BMPR2: variants seen among roughly 807,000 people sequenced by gnomAD.
BMPR2 encodes the protein bone morphogenetic protein receptor type 2, also known as bone morphogenetic protein receptor type-2.
BMPR2 carries 29 observed loss-of-function variants against 100.8 expected under a neutral mutation model. The observed-to-expected ratio is 0.29, with a 90% confidence interval of 0.21 to 0.39. BMPR2 has a LOEUF of 0.39. Ranked by LOEUF, BMPR2 falls within the 10% of genes least tolerant of loss-of-function variation. BMPR2 has a pLI of 1.00. For missense variants in BMPR2, 1,011 were observed against 1,274.5 expected, an observed-to-expected ratio of 0.79 and a Z score of 3.15; for synonymous variants, 382 against 442.3, an observed-to-expected ratio of 0.86 and a Z score of 1.71.
At chr2:202,504,678 C>CTTTTTTTTTTTTTT (rs144161668) in intron 3 of BMPR2, among the ~76,000 whole-genome samples, 1 of 112,472 alleles carries the variant, frequency 8.9e-6, no homozygotes, top group African/African-American at 3.5e-5. Context: ...ATAGTAGATT[C>CTTTTTTTTTTTTTT]TTTTTTTTTT....
Position 202,552,702 on chromosome 2 carries a change from A to G in BMPR2, c.1414-14A>G, listed in dbSNP as rs763073255. On this transcript the variant is annotated splice_polypyrimidine_tract_variant and intron_variant, in intron 10 of 12. Coordinates refer to ENST00000374580, the MANE Select transcript of BMPR2 (RefSeq NM_001204.7). ...TTTAAAGACACATGGTTTGACATGT[A>G]CTTTGTCTTACAGGCAGTGAGGTCA... 63 of 1,613,802 alleles carry G rather than the reference A, an allele frequency of 3.9e-5. No individual in the cohort carries two copies. Among genetic ancestry groups the G allele is most frequent in the Non-Finnish European group, 1.4e-5 (17 of 1,179,856 alleles).
chr2:202,534,856 ACCCCCCCACCTCCCTCCC>A (rs1688101836), intron 9 of BMPR2, among the ~76,000 whole-genome samples: 3 of 123,030 alleles, frequency 2.4e-5, no homozygotes, highest in African/African-American at 9.7e-5. Context: ...CGGGGGGCTG[ACCCCCCCACCTCCCTCCC>A]GGACGGGGCG....
At chr2:202,384,188 CAAAAA>C (rs1222662709) in intron 1 of BMPR2, among the ~76,000 whole-genome samples, 8 of 151,996 alleles carry the variant, frequency 5.3e-5, no homozygotes, top group Admixed American at 5.2e-4. Context: ...CAAAACAAAA[CAAAAA>C]AACACTGATA....
At chr2:202,434,878 T>C (rs1490263192) in intron 1 of BMPR2, among the ~76,000 whole-genome samples, 23 of 22,354 alleles carry the variant, frequency 1.0e-3, no homozygotes, top group Non-Finnish European at 4.3e-4. Flanking sequence ...AGACTCTGTC[T>C]CAAAAAAAAA....
Position 202,530,887 on chromosome 2 carries a change from T to C in BMPR2, c.1061T>C (p.Leu354Pro). The change falls in exon 8 of 13, where the codon CTG becomes CCG. Residue 354 changes from leucine (L) to proline (P), a missense_variant. Physicochemically the swap from Leu to Pro is moderately conservative, Grantham distance 98 (BLOSUM62 -3). Transcript: ENST00000374580. The part of the protein sequence containing the change: ...DGTCVISDFG[L>P]SMRLTGNRLV... Reference sequence around the variant, plus strand: ...ACCTGTGTTATTAGTGACTTTGGACTGTCCATGAGGCTGACTGGAAATAGA... The same window carrying C: ...ACCTGTGTTATTAGTGACTTTGGACCGTCCATGAGGCTGACTGGAAATAGA... 6.2e-7 allele frequency: 1 copy of C among 1,614,158 alleles called. No homozygotes were observed. Among genetic ancestry groups the C allele is most frequent in the Non-Finnish European group, 8.5e-7 (1 of 1,180,018 alleles).
intron 1 of BMPR2, among the ~76,000 whole-genome samples, chr2:202,415,452 C>T (rs550386199): frequency 1.3e-5 from 2 of 152,214 alleles, no homozygotes; most frequent in Admixed American, 1.3e-4. Context: ...GCCTGGGCAA[C>T]AAGAGCGGAA....
chr2:202,559,683 C>A lies in BMPR2; in HGVS notation c.2867-13C>A, dbSNP rs767041764. The A allele has an allele frequency of 1.9e-6, 3 of 1,613,572 alleles. No individual in the cohort carries two copies. Among genetic ancestry groups the A allele is most frequent in the Non-Finnish European group, 2.5e-6 (3 of 1,179,736 alleles). On this transcript the variant is annotated splice_polypyrimidine_tract_variant and intron_variant, in intron 12 of 12. Coordinates refer to ENST00000374580, the MANE Select transcript of BMPR2 (RefSeq NM_001204.7). ...TTGTTAAATAGCTCATTTTTCTGCA[C>A]TTTTATTTTCAGTAGGTGAGTCAAC...
chr2:202,513,890 GCTC>G (rs1192610751), intron 4 of BMPR2, 61 bp downstream of exon 4: 38 of 1,340,414 alleles, frequency 2.8e-5, no homozygotes, highest in Non-Finnish European at 3.9e-5. Flanking sequence ...CAATTTATTT[GCTC>G]CTTTTAAATT....
chr2:202,472,654 C>G (rs1319752054), intron 3 of BMPR2, among the ~76,000 whole-genome samples: 1 of 152,002 alleles, frequency 6.6e-6, no homozygotes, highest in Non-Finnish European at 1.5e-5. Context: ...GACTCCGTCT[C>G]AAAAAGAAAA....
chr2:202,404,194 GTTTT>G (rs747014208), intron 1 of BMPR2, among the ~76,000 whole-genome samples: 1 of 133,796 alleles, frequency 7.5e-6, no homozygotes. Context: ...TCTTTGGGTT[GTTTT>G]TTTTTTTTTT....
intron 9 of BMPR2, among the ~76,000 whole-genome samples, chr2:202,537,579 C>G (rs1003154134): frequency 1.3e-5 from 2 of 151,866 alleles, no homozygotes; most frequent in Admixed American, 1.3e-4. Context: ...AGAAACAGTT[C>G]TAGAAATGGT....
At chr2:202,398,356 C>G (rs929678427) in intron 1 of BMPR2, among the ~76,000 whole-genome samples, 3 of 152,024 alleles carry the variant, frequency 2.0e-5, no homozygotes, top group Non-Finnish European at 4.4e-5. Flanking sequence ...TCATTCAGCT[C>G]TTTTCTAATT....
intron 3 of BMPR2, among the ~76,000 whole-genome samples, chr2:202,481,632 T>C (rs1029605969): frequency 6.6e-6 from 1 of 152,202 alleles, no homozygotes; most frequent in African/African-American, 2.4e-5. Context: ...GTCTCTTAAT[T>C]CATGAACACG....
intron 6 of BMPR2, 110 bp from the exon 7 acceptor site, chr2:202,519,977 A>T (rs1687790989): frequency 1.4e-6 from 1 of 706,998 alleles, no homozygotes; most frequent in Admixed American, 2.2e-5. Context: ...TTAGATCTTC[A>T]TGGAATCCTA....
chr2:202,429,305 C>T (rs1691455437), intron 1 of BMPR2, among the ~76,000 whole-genome samples: 1 of 151,222 alleles, frequency 6.6e-6, no homozygotes, highest in Non-Finnish European at 1.5e-5. Flanking sequence ...CTTATCATGG[C>T]ACATCCATCA....
At chr2:202,452,153 C>T (rs115909388) in intron 1 of BMPR2, among the ~76,000 whole-genome samples, 4 of 152,204 alleles carry the variant, frequency 2.6e-5, no homozygotes, top group African/African-American at 9.6e-5. Flanking sequence ...CCTTATGCCC[C>T]TTTGTATTCT....
At position 202,464,916 on chromosome 2, in the gene BMPR2, A is replaced by G. The variant is rs1324547976; in HGVS notation, c.184A>G (p.Lys62Glu). The G allele has an allele frequency of 1.9e-6, 3 of 1,614,052 alleles. No individual in the cohort carries two copies. The highest frequency in any genetic ancestry group is 2.5e-6 in the Non-Finnish European group (3 of 1,180,046). ...SHENGTILCS[K>E]GSTCYGLWEK... Reference sequence around the variant, plus strand: ...TGAAAATGGGACAATATTATGCTCGAAAGGTAGCACCTGCTATGGCCTTTG... The same window carrying G: ...TGAAAATGGGACAATATTATGCTCGGAAGGTAGCACCTGCTATGGCCTTTG... Residue 62 changes from lysine to glutamate, a missense_variant, in exon 2 of 13, where the codon AAA becomes GAA. By Grantham distance (56) the Lys-to-Glu change is moderately conservative (BLOSUM62 1). Around this residue, in one of 6 missense-constraint regions of BMPR2, gnomAD observed 355 missense variants for 455.3 expected, o/e 0.78. Coordinates refer to ENST00000374580, the MANE Select transcript of BMPR2 (RefSeq NM_001204.7).
intron 1 of BMPR2, among the ~76,000 whole-genome samples, chr2:202,400,918 C>T (rs1048730309): frequency 2.0e-5 from 3 of 152,066 alleles, no homozygotes; most frequent in African/African-American, 4.8e-5. Context: ...ATACTGAATT[C>T]CGAACTCTCC....
intron 4 of BMPR2, 56 bp downstream of exon 4, chr2:202,513,885 T>C (rs1006390405): frequency 7.4e-7 from 1 of 1,350,338 alleles, no homozygotes; most frequent in African/African-American, 1.4e-5. Flanking sequence ...TTAATCAATT[T>C]ATTTGCTCCT....
Sources: gnomAD v4.1 joint callset for allele counts (sites outside exome capture counted in the v4.1 genomes callset) on GRCh38, gnomAD v4.1.1 for gene constraint, gnomAD v4.1.1 regional missense constraint, MANE v1.5 for transcripts, NCBI Gene and HGNC (gene_info 2026-07-23, HGNC 2026-07-21) for gene names.